Variants in SNX29 observed in about 807,000 individuals in gnomAD.
SNX29 encodes sorting nexin-29.
A neutral mutation model predicts 102.1 loss-of-function variants in SNX29; 78 were observed. The observed-to-expected ratio is 0.76, with a 90% confidence interval of 0.64 to 0.92. The LOEUF is 0.92. Among genes scored for constraint, SNX29 ranks in the 40% least tolerant of loss-of-function variants. The pLI is 0.00. For missense variants in SNX29, 1,280 were observed against 1,061.7 expected, an observed-to-expected ratio of 1.21 and a Z score of -2.86; for synonymous variants, 580 against 414.5, an observed-to-expected ratio of 1.40 and a Z score of -4.85.
chr16:12,520,278 C>T (rs755769747), intron 19 of SNX29, among the ~76,000 whole-genome samples: 26 of 152,198 alleles, frequency 1.7e-4, no homozygotes, highest in Non-Finnish European at 3.2e-4. Context: ...ATGGCTTCTC[C>T]TAAAGCCAAC....
intron 20 of SNX29, among the ~76,000 whole-genome samples, chr16:12,565,304 A>C (rs1369460525): frequency 6.6e-6 from 1 of 152,120 alleles, no homozygotes; most frequent in South Asian, 2.1e-4. Context: ...AGCACTCTCC[A>C]TTCAAGTCCA....
intron 20 of SNX29, among the ~76,000 whole-genome samples, chr16:12,558,108 G>A (rs1860122552): frequency 1.3e-5 from 2 of 152,204 alleles, no homozygotes; most frequent in African/African-American, 2.4e-5. Context: ...GGGCAACTGA[G>A]AATTAGAAGA....
rs1329842788 is a variant in SNX29, at chr16:12,573,614, C to T, written c.*4985C>T. 1.8e-5 allele frequency: 4 copies of T among 221,392 alleles called. No homozygotes were observed. Among genetic ancestry groups the T allele is most frequent in the Middle Eastern group, 1.4e-3 (1 of 720 alleles). 13.7% of individuals were successfully genotyped at this position (221,392 alleles called of 1,614,324 possible). A position where few individuals can be genotyped will look rare whatever the true frequency, so the allele number is the denominator to read the frequency against. On this transcript the variant is annotated 3_prime_UTR_variant, in exon 21 of 21. Coordinates refer to ENST00000566228, the MANE Select transcript of SNX29 (RefSeq NM_032167.5). The stretch of plus-strand genomic sequence containing the variant: ...TCCCCTCAAATTTTCTCAGCTCTGC[C>T]GCTGGTCTCCATGAACGGCAAGGGG...
intron 15 of SNX29, among the ~76,000 whole-genome samples, chr16:12,292,212 G>T (rs1025681247): frequency 6.6e-6 from 1 of 152,192 alleles, no homozygotes; most frequent in Non-Finnish European, 1.5e-5. Flanking sequence ...TTGGCCACCT[G>T]GGCGTGTCAG....
chr16:12,505,173 A>T (rs1020539215), intron 19 of SNX29, among the ~76,000 whole-genome samples: 1 of 152,196 alleles, frequency 6.6e-6, no homozygotes, highest in Non-Finnish European at 1.5e-5. Flanking sequence ...ACAAACGTTT[A>T]TCTTCTTTAT....
chr16:12,004,069 C>T (rs992481495), intron 3 of SNX29, among the ~76,000 whole-genome samples: 3 of 150,868 alleles, frequency 2.0e-5, no homozygotes, highest in African/African-American at 7.3e-5. Context: ...CGGCTGGGCG[C>T]AGTGGCTCAC....
chr16:12,431,987 T>G (rs958781734), intron 18 of SNX29, among the ~76,000 whole-genome samples: 48 of 152,234 alleles, frequency 3.2e-4, no homozygotes, highest in African/African-American at 1.1e-3. Flanking sequence ...GCCAGAGAGA[T>G]AAGATGGCTG....
Position 12,350,695 on chromosome 16 carries a change from A to T in SNX29, c.1783-5468A>T, listed in dbSNP as rs113233248. ...GTTTCCTACAAGTAGGGAATGGCCC[A>T]ACTGCCGTTCAAAGCTGAGTCTGTG... On this transcript the variant is annotated intron_variant, in intron 15 of 20. Coordinates refer to ENST00000566228, the MANE Select transcript of SNX29 (RefSeq NM_032167.5). Among the ~76,000 whole-genome samples, 547 of 152,330 alleles carry T rather than the reference A, an allele frequency of 3.6e-3. 4 individuals carry two copies. The highest frequency in any genetic ancestry group is 0.013 in the African/African-American group (526 of 41,582).
At chr16:12,541,383 T>G (rs568354124) in intron 20 of SNX29, among the ~76,000 whole-genome samples, 6 of 152,182 alleles carry the variant, frequency 3.9e-5, no homozygotes, top group African/African-American at 1.4e-4. Flanking sequence ...GCAGTTACCA[T>G]GTGCAGGCTC....
At chr16:12,063,215 G>A (rs1185562165) in intron 9 of SNX29, among the ~76,000 whole-genome samples, 3 of 152,082 alleles carry the variant, frequency 2.0e-5, no homozygotes, top group Non-Finnish European at 4.4e-5. Context: ...CCCCTGGTGA[G>A]AGCTTCAGGG....
intron 15 of SNX29, among the ~76,000 whole-genome samples, chr16:12,306,465 C>T (rs1228445590): frequency 6.6e-6 from 1 of 152,018 alleles, no homozygotes; most frequent in Non-Finnish European, 1.5e-5. Flanking sequence ...ACATTTAATT[C>T]ATTTTGTAGT....
At chr16:12,403,915 CCT>C (rs1336881301) in intron 18 of SNX29, among the ~76,000 whole-genome samples, 3 of 152,106 alleles carry the variant, frequency 2.0e-5, no homozygotes, top group Non-Finnish European at 2.9e-5. Flanking sequence ...GCTTGGTGAC[CCT>C]CTCAGGCCAG....
chr16:12,264,519 C>T (rs1325416133), intron 14 of SNX29, among the ~76,000 whole-genome samples: 3 of 152,188 alleles, frequency 2.0e-5, no homozygotes, highest in Non-Finnish European at 2.9e-5. Context: ...CTGTGGCTCA[C>T]GTTTGTAATC....
chr16:12,537,127 A>G (rs1285360741), intron 20 of SNX29, among the ~76,000 whole-genome samples: 1 of 152,162 alleles, frequency 6.6e-6, no homozygotes, highest in East Asian at 1.9e-4. Flanking sequence ...GCTGTTGGTG[A>G]AATGGATCTC....
intron 15 of SNX29, among the ~76,000 whole-genome samples, chr16:12,333,477 G>C (rs2081355848): frequency 6.6e-6 from 1 of 152,092 alleles, no homozygotes; most frequent in African/African-American, 2.4e-5. Context: ...GAAAGCTGAA[G>C]CTCAGAGATT....
chr16:12,514,597 G>A (rs993330646), intron 19 of SNX29, among the ~76,000 whole-genome samples: 3 of 151,972 alleles, frequency 2.0e-5, no homozygotes, highest in Non-Finnish European at 2.9e-5. Context: ...AGACATGGTG[G>A]CTCATGCCTG....
intron 18 of SNX29, among the ~76,000 whole-genome samples, chr16:12,477,354 A>G (rs1234557487): frequency 6.6e-6 from 1 of 152,192 alleles, no homozygotes; most frequent in Non-Finnish European, 1.5e-5. Context: ...AGATGAGGAA[A>G]CAAGTGTCCA....
At chr16:12,380,714 T>TTCCATCCACCCGCCATCCATCCA (rs1567503037) in intron 16 of SNX29, among the ~76,000 whole-genome samples, 1 of 84,272 alleles carries the variant, frequency 1.2e-5, no homozygotes, top group East Asian at 4.1e-4. Context: ...CAACCATCAA[T>TTCCATCCACCCGCCATCCATCCA]TCCATCCACC....
At chr16:12,454,438 A>G (rs1179401361) in intron 18 of SNX29, among the ~76,000 whole-genome samples, 1 of 152,218 alleles carries the variant, frequency 6.6e-6, no homozygotes, top group African/African-American at 2.4e-5. Flanking sequence ...CTCTTTGAGT[A>G]GAGGCTGAGA....
Sources: gnomAD v4.1 joint callset for allele counts (sites outside exome capture counted in the v4.1 genomes callset) on GRCh38, gnomAD v4.1.1 for gene constraint, MANE v1.5 for transcripts, NCBI Gene and HGNC (gene_info 2026-07-23, HGNC 2026-07-21) for gene names.